Variants in PHACTR1 observed in about 807,000 individuals in gnomAD.
PHACTR1 encodes phosphatase and actin regulator 1, also known as RPEL repeat containing 1.
A neutral mutation model predicts 69.2 loss-of-function variants in PHACTR1; 16 were observed. That is an observed-to-expected ratio of 0.23 (90% CI 0.16 to 0.35). PHACTR1 has a LOEUF of 0.35. Among genes scored for constraint, PHACTR1 ranks in the 10% least tolerant of loss-of-function variants. The pLI is 1.00. For synonymous variants in PHACTR1, 312 were observed against 284.5 expected (o/e 1.10, Z -0.97); for missense variants, 510 against 734.7 (o/e 0.69, Z 3.54).
At chr6:13,040,920 A>G (rs988128162) in intron 4 of PHACTR1, among the ~76,000 whole-genome samples, 12 of 152,198 alleles carry the variant, frequency 7.9e-5, no homozygotes, top group African/African-American at 2.9e-4. Context: ...GATTAAATGC[A>G]CTTAAACCTG....
chr6:12,769,028 A>G (rs1407122522), intron 4 of PHACTR1, among the ~76,000 whole-genome samples: 2 of 152,068 alleles, frequency 1.3e-5, no homozygotes, highest in Non-Finnish European at 2.9e-5. Flanking sequence ...TCATATTAGC[A>G]GAGAGTGGAA....
intron 4 of PHACTR1, among the ~76,000 whole-genome samples, chr6:12,932,540 T>G (rs531606570): frequency 1.9e-4 from 29 of 152,246 alleles, no homozygotes; most frequent in Non-Finnish European, 4.1e-4. Context: ...TGTCAAGAAA[T>G]CCTCAATCTT....
chr6:12,898,166 A>G lies in PHACTR1; in HGVS notation c.250+148376A>G, dbSNP rs982669979. ...TTCTCTTAGGGTTTCTCTTTTTCCT[A>G]TCTCTCTGTCCATTTTTGCCACTTC... On this transcript the variant is annotated intron_variant, in intron 4 of 14. Transcript: ENST00000332995. 6.6e-5 allele frequency among the ~76,000 whole-genome samples: 10 copies of G among 151,408 alleles called. No homozygotes were observed. The East Asian group carries it at 1.2e-3, about 18-fold the overall frequency.
At chr6:12,792,907 T>G (rs1023503037) in intron 4 of PHACTR1, among the ~76,000 whole-genome samples, 2 of 142,886 alleles carry the variant, frequency 1.4e-5, no homozygotes, top group African/African-American at 5.1e-5. Context: ...TGACTACACC[T>G]ACAGGCTTTC....
chr6:12,894,813 AT>A (rs1373481000), intron 4 of PHACTR1, among the ~76,000 whole-genome samples: 6 of 152,192 alleles, frequency 3.9e-5, no homozygotes, highest in African/African-American at 1.2e-4. Flanking sequence ...ATAGAAAAAA[AT>A]ATCCAAAAAA....
chr6:12,851,553 T>G (rs1779828596), intron 4 of PHACTR1, among the ~76,000 whole-genome samples: 1 of 152,134 alleles, frequency 6.6e-6, no homozygotes, highest in South Asian at 2.1e-4. Flanking sequence ...ACCCAGTAAC[T>G]CATCATGCAC....
chr6:13,091,275 A>G (rs1397405120), intron 5 of PHACTR1, among the ~76,000 whole-genome samples: 1 of 152,190 alleles, frequency 6.6e-6, no homozygotes, highest in Non-Finnish European at 1.5e-5. Context: ...TTGGGATTAC[A>G]GGCATGAGCC....
chr6:13,260,776 G>C (rs1775801619), intron 10 of PHACTR1, among the ~76,000 whole-genome samples: 1 of 152,180 alleles, frequency 6.6e-6, no homozygotes, highest in Non-Finnish European at 1.5e-5. Flanking sequence ...GAAATATTAA[G>C]AGAGAAATAT....
At chr6:13,214,500 G>A (rs1403736817) in intron 8 of PHACTR1, among the ~76,000 whole-genome samples, 1 of 152,208 alleles carries the variant, frequency 6.6e-6, no homozygotes. Context: ...AAATGGGAGA[G>A]GGGTCATCAT....
At chr6:12,814,955 T>C (rs1214024246) in intron 4 of PHACTR1, among the ~76,000 whole-genome samples, 1 of 152,200 alleles carries the variant, frequency 6.6e-6, no homozygotes, top group Non-Finnish European at 1.5e-5. Context: ...AATTCCTCTG[T>C]GACAAAATGA....
intron 5 of PHACTR1, among the ~76,000 whole-genome samples, chr6:13,084,385 AG>A (rs1220222427): frequency 7.0e-5 from 3 of 42,756 alleles, no homozygotes; most frequent in African/African-American, 2.9e-4. Flanking sequence ...GGGTGGGGGG[AG>A]GGGGGAGGGA....
intron 5 of PHACTR1, among the ~76,000 whole-genome samples, chr6:13,155,265 C>A (rs1758008362): frequency 6.6e-6 from 1 of 152,208 alleles, no homozygotes; most frequent in South Asian, 2.1e-4. Context: ...CCTACACTTT[C>A]TTTTCAATCA....
Position 12,881,149 on chromosome 6 carries a change from A to G in PHACTR1, c.250+131359A>G, listed in dbSNP as rs186088185. Among the ~76,000 whole-genome samples, 46 of 152,330 alleles carry G rather than the reference A, an allele frequency of 3.0e-4. 1 individual carries two copies. The East Asian group carries it at 6.7e-3, about 22-fold the overall frequency. ...CTGTGGACTAAGAGCTGAATTGTGTAGGGAAGAACTTGACAACAGGGAGCT... is the reference window on the plus strand; with the variant it reads ...CTGTGGACTAAGAGCTGAATTGTGTGGGGAAGAACTTGACAACAGGGAGCT... On this transcript the variant is annotated intron_variant, in intron 4 of 14. Coordinates refer to ENST00000332995, the MANE Select transcript of PHACTR1 (RefSeq NM_030948.6).
At chr6:12,858,931 A>G (rs1034613984) in intron 4 of PHACTR1, among the ~76,000 whole-genome samples, 7 of 152,108 alleles carry the variant, frequency 4.6e-5, no homozygotes, top group African/African-American at 1.7e-4. Context: ...TTCTTCTTCA[A>G]TGTTAAGATG....
At chr6:12,967,739 C>T (rs1299743959) in intron 4 of PHACTR1, among the ~76,000 whole-genome samples, 1 of 152,202 alleles carries the variant, frequency 6.6e-6, no homozygotes, top group Non-Finnish European at 1.5e-5. Flanking sequence ...CAAACACTTG[C>T]AACCATCTTT....
At chr6:12,908,276 C>T (rs1423920972) in intron 4 of PHACTR1, among the ~76,000 whole-genome samples, 1 of 152,130 alleles carries the variant, frequency 6.6e-6, no homozygotes, top group African/African-American at 2.4e-5. Context: ...CCAGACCAAA[C>T]TTTTCCTGTT....
At chr6:12,935,621 A>T (rs1345064313) in intron 4 of PHACTR1, among the ~76,000 whole-genome samples, 2 of 147,754 alleles carry the variant, frequency 1.4e-5, no homozygotes, top group East Asian at 3.9e-4. Context: ...TATTTATGGT[A>T]TGCCCACGTG....
intron 5 of PHACTR1, among the ~76,000 whole-genome samples, chr6:13,129,357 TA>T (rs1266150890): frequency 6.6e-6 from 1 of 152,104 alleles, no homozygotes; most frequent in East Asian, 1.9e-4. Flanking sequence ...ACTTAAAATA[TA>T]ATGGCAGAAT....
intron 4 of PHACTR1, among the ~76,000 whole-genome samples, chr6:12,921,937 G>T (rs1787769297): frequency 6.6e-6 from 1 of 152,142 alleles, no homozygotes; most frequent in Non-Finnish European, 1.5e-5. Flanking sequence ...CTTGTGAAAA[G>T]GGCCCTTACT....
Sources: gnomAD v4.1 joint callset for allele counts (sites outside exome capture counted in the v4.1 genomes callset) on GRCh38, gnomAD v4.1.1 for gene constraint, MANE v1.5 for transcripts, NCBI Gene and HGNC (gene_info 2026-07-23, HGNC 2026-07-21) for gene names.